Variants in FHIT observed in about 807,000 individuals in gnomAD.
The protein encoded by FHIT is bis(5'-adenosyl)-triphosphatase.
In FHIT, 19 loss-of-function variants were observed where a neutral mutation model predicts 17.9. The observed-to-expected ratio is 1.06, with a 90% confidence interval of 0.74 to 1.56. The LOEUF (loss-of-function observed/expected upper bound fraction) is 1.56, where lower values mean the gene tolerates loss of function less well. Among genes scored for constraint, FHIT ranks in the 40% most tolerant of loss-of-function variants. The pLI is 0.00. For synonymous variants in FHIT, 81 were observed against 69.7 expected, an observed-to-expected ratio of 1.16 and a Z score of -0.81; for missense variants, 248 against 189.2, an observed-to-expected ratio of 1.31 and a Z score of -1.82.
At position 60,453,745 on chromosome 3, in the gene FHIT, T is replaced by C. The variant is rs141367893; in HGVS notation, c.103+83115A>G. 3.4e-3 allele frequency among the ~76,000 whole-genome samples: 514 copies of C among 152,306 alleles called. 2 individuals carry two copies. The highest frequency in any genetic ancestry group is 0.012 in the African/African-American group (487 of 41,574). ...GAGATGACGATGCAAATCTGGCACA[T>C]AGTATATGCCCAGTGAATATCAGCA... On this transcript the variant is annotated intron_variant, in intron 5 of 9. Coordinates refer to ENST00000492590, the MANE Select transcript of FHIT (RefSeq NM_002012.4).
At chr3:59,838,942 T>C (rs566808573) in intron 8 of FHIT, among the ~76,000 whole-genome samples, 27 of 152,262 alleles carry the variant, frequency 1.8e-4, no homozygotes, top group Admixed American at 1.3e-3. Flanking sequence ...TGATCAATTA[T>C]ATTTATATAT....
chr3:60,888,745 C>T (rs781953433), intron 3 of FHIT, among the ~76,000 whole-genome samples: 7 of 152,112 alleles, frequency 4.6e-5, no homozygotes, highest in Non-Finnish European at 1.0e-4. Flanking sequence ...TTGTTTGGAA[C>T]ATATAAAAGT....
At chr3:60,126,684 A>C (rs905404578) in intron 5 of FHIT, among the ~76,000 whole-genome samples, 1 of 152,186 alleles carries the variant, frequency 6.6e-6, no homozygotes, top group African/African-American at 2.4e-5. Flanking sequence ...AATCCACAGC[A>C]CACGCTCATA....
intron 5 of FHIT, among the ~76,000 whole-genome samples, chr3:60,020,273 G>A (rs1007830736): frequency 2.0e-5 from 3 of 152,152 alleles, no homozygotes; most frequent in African/African-American, 7.2e-5. Context: ...GGATTTCCAT[G>A]ACAAATACGA....
intron 3 of FHIT, among the ~76,000 whole-genome samples, chr3:60,842,532 T>C (rs1318016770): frequency 6.7e-6 from 1 of 150,296 alleles, no homozygotes; most frequent in African/African-American, 2.4e-5. Flanking sequence ...TTAAAACATC[T>C]TTGATATTCA....
chr3:59,840,397 A>AC (rs2106745846), intron 8 of FHIT, among the ~76,000 whole-genome samples: 1 of 151,198 alleles, frequency 6.6e-6, no homozygotes, highest in East Asian at 2.0e-4. Context: ...CCCCTTTAAA[A>AC]AAAAAAAAAA....
At chr3:60,802,125 C>T (rs1701213159) in intron 4 of FHIT, among the ~76,000 whole-genome samples, 1 of 152,316 alleles carries the variant, frequency 6.6e-6, no homozygotes, top group Admixed American at 6.5e-5. Context: ...AGGTTACTAT[C>T]ATTCAATCAT....
intron 5 of FHIT, among the ~76,000 whole-genome samples, chr3:60,298,746 A>C (rs1007685869): frequency 3.3e-5 from 5 of 152,132 alleles, no homozygotes; most frequent in Non-Finnish European, 5.9e-5. Flanking sequence ...TTAGCCTGCT[A>C]ATGTGTATGA....
chr3:60,589,471 C>G (rs920583602), intron 4 of FHIT, among the ~76,000 whole-genome samples: 22 of 152,088 alleles, frequency 1.4e-4, no homozygotes, highest in Non-Finnish European at 2.2e-4. Context: ...TTACATCGTT[C>G]TTTTGAACAT....
chr3:59,897,923 C>T (rs796426353), intron 8 of FHIT, among the ~76,000 whole-genome samples: 3 of 152,116 alleles, frequency 2.0e-5, no homozygotes, highest in East Asian at 1.9e-4. Flanking sequence ...CCCGCCACCA[C>T]GCCTGGCTAA....
Position 59,749,521 on chromosome 3 carries a change from G to GA in FHIT, c.*63_*64insT, listed in dbSNP as rs397695917. On this transcript the variant is annotated 3_prime_UTR_variant, in exon 10 of 10. Transcript: ENST00000492590. ...AGTTCCTCTTGGGGAGAGGCGGGGG[G>GA]CGGTCTTCAAACTGGTTGGCAATAG... 1.7e-5 allele frequency: 4 copies of GA among 231,076 alleles called. No individual in the cohort carries two copies. The highest frequency in any genetic ancestry group is 2.6e-5 in the Non-Finnish European group (3 of 117,134). 14.3% of individuals were successfully genotyped at this position (231,076 alleles called of 1,614,324 possible). A position where few individuals can be genotyped will look rare whatever the true frequency, so the allele number is the denominator to read the frequency against.
At chr3:60,065,687 C>A (rs1335665302) in intron 5 of FHIT, among the ~76,000 whole-genome samples, 1 of 152,170 alleles carries the variant, frequency 6.6e-6, no homozygotes, top group Admixed American at 6.5e-5. Flanking sequence ...CTGAATTACA[C>A]ATCTACAGAG....
At chr3:60,379,733 A>T (rs527414945) in intron 5 of FHIT, among the ~76,000 whole-genome samples, 1 of 152,228 alleles carries the variant, frequency 6.6e-6, no homozygotes, top group East Asian at 1.9e-4. Flanking sequence ...AGTTTTAGAG[A>T]TCCATTTTTG....
intron 4 of FHIT, among the ~76,000 whole-genome samples, chr3:60,619,502 G>A (rs1553677440): frequency 6.6e-6 from 1 of 150,458 alleles, no homozygotes; most frequent in Non-Finnish European, 1.5e-5. Flanking sequence ...GAAACAGTGT[G>A]GTATTGGCAA....
At chr3:60,553,001 G>C (rs1004470077) in intron 4 of FHIT, among the ~76,000 whole-genome samples, 3 of 152,182 alleles carry the variant, frequency 2.0e-5, no homozygotes, top group Non-Finnish European at 4.4e-5. Context: ...TGTAGAGTGA[G>C]TCCTGAGAGG....
At chr3:60,465,221 GA>G (rs1480493432) in intron 5 of FHIT, among the ~76,000 whole-genome samples, 5 of 151,408 alleles carry the variant, frequency 3.3e-5, no homozygotes, top group African/African-American at 4.9e-5. Flanking sequence ...CAGATTATTA[GA>G]TTTTTTTTCC....
At chr3:60,357,037 A>T (rs1699697592) in intron 5 of FHIT, among the ~76,000 whole-genome samples, 1 of 152,190 alleles carries the variant, frequency 6.6e-6, no homozygotes, top group Non-Finnish European at 1.5e-5. Context: ...GCCATACAAT[A>T]CAGTCAGGTT....
intron 5 of FHIT, among the ~76,000 whole-genome samples, chr3:60,528,929 T>C (rs12485617): frequency 0.073 from 11,164 of 152,200 alleles, 882 homozygotes; most frequent in African/African-American, 0.17. Flanking sequence ...GTCATACTAA[T>C]TGTTACACAT....
At position 60,879,901 on chromosome 3, in the gene FHIT, C is replaced by A. The variant is rs116382310; in HGVS notation, c.-110-57890G>T. ...AAAGACTACAAGACTTATAGGACAC[C>A]ATTAAGTGAACAAATTTTCATATTA... is the stretch of plus-strand genomic sequence containing the variant. On this transcript the variant is annotated intron_variant, in intron 3 of 9. Transcript: ENST00000492590. Among the ~76,000 whole-genome samples, 836 of 151,144 alleles carry A rather than the reference C, an allele frequency of 5.5e-3. 16 individuals are homozygous for A. The highest frequency in any genetic ancestry group is 0.019 in the African/African-American group (785 of 41,268).
Sources: allele counts gnomAD v4.1 joint callset (sites outside exome capture counted in the v4.1 genomes callset), GRCh38; gene constraint gnomAD v4.1.1; transcripts MANE v1.5; gene names NCBI Gene and HGNC (gene_info 2026-07-23, HGNC 2026-07-21).